MALAT1: variants seen among roughly 807,000 people sequenced by gnomAD.
MALAT1 encodes metastasis associated lung adenocarcinoma transcript 1.
At chr11:65,499,534 C>G (rs377353346) in exon 3 of MALAT1, 5 of 458,520 alleles carry the variant, frequency 1.1e-5, no homozygotes, top group Admixed American at 9.9e-5. Flanking sequence ...ACCTTGAAAT[C>G]CATGACGCAG....
At chr11:65,497,926 C>T (rs1854425993) in intron 1 of MALAT1, 2 of 518,806 alleles carry the variant, frequency 3.9e-6, no homozygotes, top group South Asian at 1.4e-5. Flanking sequence ...GACGCAGCGA[C>T]GAGTTGTGCT....
intron 3 of MALAT1, chr11:65,505,595 T>G: frequency 1.9e-6 from 1 of 518,948 alleles, no homozygotes; most frequent in South Asian, 1.4e-5. Context: ...GCACAGACCC[T>G]TCACCCCTCA....
chr11:65,503,078 A>C (rs1335697379), exon 3 of MALAT1: 1 of 510,998 alleles, frequency 2.0e-6, no homozygotes, highest in African/African-American at 1.9e-5. Context: ...AAGTGGATTG[A>C]GGAGGCTGTG....
At chr11:65,501,827 A>G (rs1196744738) in exon 3 of MALAT1, 2 of 517,782 alleles carry the variant, frequency 3.9e-6, no homozygotes, top group Non-Finnish European at 7.7e-6. Flanking sequence ...TGACTTCTTA[A>G]AAGTTTTATT....
At chr11:65,504,671 A>C (rs745868919) in intron 3 of MALAT1, 35 of 518,856 alleles carry the variant, frequency 6.7e-5, no homozygotes, top group South Asian at 4.7e-4. Context: ...CAACCTTAAA[A>C]TCAGTGACAA....
chr11:65,500,031 C>G (rs759509927), exon 3 of MALAT1: 3 of 431,446 alleles, frequency 7.0e-6, no homozygotes, highest in Non-Finnish European at 1.4e-5. Context: ...AAAAGCCCAT[C>G]AATTTAATTT....
At chr11:65,499,093 A>G (rs536821969) in exon 3 of MALAT1, 5 of 518,174 alleles carry the variant, frequency 9.6e-6, no homozygotes, top group Non-Finnish European at 1.9e-5. Flanking sequence ...GGGCAGGCGG[A>G]GCTTGAGGAA....
At chr11:65,499,041 C>T (rs746679165) in exon 3 of MALAT1, 9 of 518,258 alleles carry the variant, frequency 1.7e-5, no homozygotes, top group African/African-American at 5.8e-5. Flanking sequence ...CCGAGCTGTG[C>T]GGTAGGCATT....
At chr11:65,500,936 C>CA (rs1352587595) in exon 3 of MALAT1, 1 of 512,310 alleles carries the variant, frequency 2.0e-6, no homozygotes, top group Non-Finnish European at 3.9e-6. Context: ...GGCTTATACT[C>CA]ATGAATCTTG....
At chr11:65,506,491 TAAA>T (rs940414439), downstream of MALAT1, 16 of 279,040 alleles carry the variant, frequency 5.7e-5, no homozygotes, top group African/African-American at 3.0e-4. Flanking sequence ...CTTTTGTGAA[TAAA>T]AAAATCTTGA....
chr11:65,498,513 A>G (rs747994979), intron 1 of MALAT1: 1 of 516,892 alleles, frequency 1.9e-6, no homozygotes, highest in South Asian at 1.4e-5. Context: ...TTTCTCGAAC[A>G]AAAAAGCAAA....
At chr11:65,497,841 C>T (rs751167088) in exon 1 of MALAT1, 2 of 515,424 alleles carry the variant, frequency 3.9e-6, no homozygotes, top group South Asian at 1.4e-5. Context: ...AAGCCCGGCG[C>T]CGGGAAGCCT....
At chr11:65,502,746 A>G (rs1854579512) in exon 3 of MALAT1, 1 of 516,250 alleles carries the variant, frequency 1.9e-6, no homozygotes, top group Non-Finnish European at 3.9e-6. Context: ...AGAAAAGATT[A>G]TATGTCATAC....
At chr11:65,499,096 T>C (rs556713075) in exon 3 of MALAT1, 4 of 518,140 alleles carry the variant, frequency 7.7e-6, no homozygotes, top group Middle Eastern at 3.2e-4. Context: ...CAGGCGGAGC[T>C]TGAGGAAACC....
chr11:65,500,626 G>C (rs1306385162), exon 3 of MALAT1: 1 of 518,978 alleles, frequency 1.9e-6, no homozygotes. Flanking sequence ...TTCCAGGAAG[G>C]AGCGAGTGCA....
At chr11:65,499,278 G>A (rs1339176121) in exon 3 of MALAT1, 5 of 513,832 alleles carry the variant, frequency 9.7e-6, no homozygotes, top group African/African-American at 3.9e-5. Context: ...GGAAGGAAAA[G>A]ATAAAAGGTT....
chr11:65,505,281 C>T (rs751811220), intron 3 of MALAT1: 16 of 518,666 alleles, frequency 3.1e-5, no homozygotes, highest in Non-Finnish European at 6.2e-5. Context: ...ATCCTAAGGT[C>T]AAGAGAAGTG....
chr11:65,501,660 C>T (rs761508162), exon 3 of MALAT1: 3 of 518,844 alleles, frequency 5.8e-6, no homozygotes, highest in East Asian at 5.4e-5. Context: ...GCACGAACAC[C>T]TTCAGGGACT....
At chr11:65,504,522 T>C (rs1186386446) in intron 3 of MALAT1, 5 of 518,852 alleles carry the variant, frequency 9.6e-6, no homozygotes, top group Admixed American at 5.8e-5. Context: ...GGCTGAGTGT[T>C]GAGGAAATTT....
Sources: gnomAD v4.1 joint callset for allele counts on GRCh38, gnomAD v4.1.1 for gene constraint, MANE v1.5 for transcripts, NCBI Gene and HGNC (gene_info 2026-07-23, HGNC 2026-07-21) for gene names.